The following ANKIB1 variants were observed in gnomAD, a reference collection of about 807,000 sequenced individuals.
ANKIB1 encodes ankyrin repeat and IBR domain containing 1.
Under a neutral mutation model 122.1 loss-of-function variants are expected in ANKIB1, and 43 were observed. The ratio of observed to expected loss-of-function variants is 0.35; its 90% CI spans 0.28 to 0.45. ANKIB1 has a LOEUF of 0.45. ANKIB1 is among the 20% of genes least tolerant of loss of function. The pLI, the probability that ANKIB1 is intolerant of heterozygous loss-of-function variation, is 1.00. For synonymous variants in ANKIB1, 390 were observed against 442.0 expected, an observed-to-expected ratio of 0.88 and a Z score of 1.48; for missense variants, 992 against 1,329.5, an observed-to-expected ratio of 0.75 and a Z score of 3.95.
At chr7:92,337,871 A>G (rs1318735066) in intron 5 of ANKIB1, among the ~76,000 whole-genome samples, 4 of 152,230 alleles carry the variant, frequency 2.6e-5, no homozygotes, top group African/African-American at 9.6e-5. Context: ...GAAAGCCTTG[A>G]TAAAGGCAAG....
intron 3 of ANKIB1, among the ~76,000 whole-genome samples, chr7:92,309,867 G>A (rs1243631864): frequency 1.4e-5 from 2 of 146,536 alleles, no homozygotes; most frequent in Non-Finnish European, 3.0e-5. Context: ...AGAGGTTGCA[G>A]TGAGTCAAGA....
intron 5 of ANKIB1, among the ~76,000 whole-genome samples, chr7:92,340,523 A>G (rs1242851380): frequency 1.3e-5 from 2 of 152,246 alleles, no homozygotes; most frequent in East Asian, 3.8e-4. Flanking sequence ...ATACCAAGAA[A>G]AAAAAAGGAT....
At chr7:92,377,419 T>G (rs529193273) in intron 11 of ANKIB1, among the ~76,000 whole-genome samples, 2 of 152,230 alleles carry the variant, frequency 1.3e-5, no homozygotes, top group Admixed American at 1.3e-4. Flanking sequence ...TGATCGTAGA[T>G]CACAACAGAT....
intron 3 of ANKIB1, among the ~76,000 whole-genome samples, chr7:92,316,218 A>G (rs1562779988): frequency 6.6e-6 from 1 of 152,212 alleles, no homozygotes; most frequent in Non-Finnish European, 1.5e-5. Flanking sequence ...CTGGGAAAGC[A>G]GATACTTAGT....
At chr7:92,349,252 G>A (rs540223811) in intron 7 of ANKIB1, among the ~76,000 whole-genome samples, 1 of 152,276 alleles carries the variant, frequency 6.6e-6, no homozygotes, top group Admixed American at 6.5e-5. Flanking sequence ...ACAGAAGTGA[G>A]TGGGAAGAAA....
intron 5 of ANKIB1, among the ~76,000 whole-genome samples, chr7:92,341,507 CTG>C (rs1019283313): frequency 3.4e-5 from 5 of 148,696 alleles, no homozygotes; most frequent in African/African-American, 9.9e-5. Context: ...AAAAAAAAAA[CTG>C]TAAACAAAGT....
At chr7:92,353,759 A>C (rs919186863) in intron 9 of ANKIB1, among the ~76,000 whole-genome samples, 1 of 152,228 alleles carries the variant, frequency 6.6e-6, no homozygotes, top group Non-Finnish European at 1.5e-5. Context: ...ATTTTGCTGG[A>C]ACACAGCCAC....
At chr7:92,362,362 G>C (rs1803970861) in intron 10 of ANKIB1, 89 bp downstream of exon 10, 3 of 1,244,204 alleles carry the variant, frequency 2.4e-6, no homozygotes, top group Non-Finnish European at 3.4e-6. Flanking sequence ...CTTTATTTAA[G>C]AGGTTTTCAG....
intron 11 of ANKIB1, among the ~76,000 whole-genome samples, chr7:92,378,502 CA>C (rs1804438763): frequency 7.0e-6 from 1 of 142,652 alleles, no homozygotes; most frequent in Non-Finnish European, 1.5e-5. Context: ...AAAAAATCAA[CA>C]ATCATTCTTT....
At position 92,397,823 on chromosome 7, in the gene ANKIB1, C is replaced by A; in HGVS notation, c.2496C>A (p.Thr832=). Residue 832 remains threonine, a synonymous_variant, in exon 19 of 20, where the codon ACC becomes ACA. Transcript: ENST00000265742. ...VLHSSSLRDY[T]PASRSENQDS... The stretch of plus-strand genomic sequence containing the variant: ...ACAGCTCTTCCCTGCGTGACTACAC[C>A]CCTGCCAGTCGCTCTGAAAACCAGG... The A allele has an allele frequency of 6.2e-7, 1 of 1,607,382 alleles. No individual in the cohort carries two copies. The highest frequency in any genetic ancestry group is 8.5e-7 in the Non-Finnish European group (1 of 1,178,000).
intron 2 of ANKIB1, among the ~76,000 whole-genome samples, chr7:92,299,505 T>C (rs1458674526): frequency 6.6e-6 from 1 of 152,232 alleles, no homozygotes; most frequent in Non-Finnish European, 1.5e-5. Context: ...GAATATTCAC[T>C]ATTATCTGAG....
chr7:92,282,853 A>G (rs1802036510), intron 1 of ANKIB1, among the ~76,000 whole-genome samples: 1 of 152,190 alleles, frequency 6.6e-6, no homozygotes, highest in South Asian at 2.1e-4. Context: ...ATTATAGGTA[A>G]TTGTGTTTTC....
chr7:92,384,286 A>G (rs1031950779), intron 11 of ANKIB1, among the ~76,000 whole-genome samples: 10 of 152,242 alleles, frequency 6.6e-5, no homozygotes, highest in Admixed American at 3.3e-4. Context: ...GGAAGAATCA[A>G]TATTGTAAAA....
chr7:92,246,431 C>T lies in ANKIB1; in HGVS notation c.-179C>T, dbSNP rs1405658191. On this transcript the variant is annotated 5_prime_UTR_variant, in exon 1 of 20. Transcript: ENST00000265742. ...GGGGCGGGCTGGGTACCTGAGGTCA[C>T]CAGCTCGGCTGTAGAGGCAGGGGCG... 3 of 516,806 alleles carry T rather than the reference C, an allele frequency of 5.8e-6. No homozygotes were observed. Among genetic ancestry groups the T allele is most frequent in the African/African-American group, 5.8e-5 (3 of 51,904 alleles). 32.0% of individuals were successfully genotyped at this position (516,806 alleles called of 1,614,324 possible). A position where few individuals can be genotyped will look rare whatever the true frequency, so the allele number is the denominator to read the frequency against.
At chr7:92,386,403 C>T (rs1206043703) in intron 11 of ANKIB1, 106 bp from the exon 12 acceptor site, 3 of 1,242,606 alleles carry the variant, frequency 2.4e-6, no homozygotes, top group Admixed American at 6.6e-5. Flanking sequence ...TATTACTGGT[C>T]ACACAAGCAC....
chr7:92,329,004 G>A (rs1298650146), intron 5 of ANKIB1, among the ~76,000 whole-genome samples: 2 of 143,384 alleles, frequency 1.4e-5, no homozygotes, highest in African/African-American at 5.2e-5. Context: ...GTCTTGCTCT[G>A]TTGCCCAGGC....
At chr7:92,259,371 C>G (rs1040727917) in intron 1 of ANKIB1, among the ~76,000 whole-genome samples, 4 of 152,134 alleles carry the variant, frequency 2.6e-5, no homozygotes, top group African/African-American at 9.7e-5. Context: ...TATCAATACT[C>G]TTTACTTCTT....
rs1800993817 is a variant in ANKIB1 at position 92,246,297 on chromosome 7, GC to G, written c.-312del. On this transcript the variant is annotated 5_prime_UTR_variant, in exon 1 of 20. Coordinates refer to ENST00000265742, the MANE Select transcript of ANKIB1 (RefSeq NM_019004.2). ...CTGAGCCTCGCCGCGGGCGCCTTCG[GC>G]TCACGCAGCGCTTCCCGCGGGCCGC... is the stretch of plus-strand genomic sequence containing the variant. 2.5e-6 allele frequency: 1 copy of G among 408,054 alleles called. No homozygotes were observed. Among genetic ancestry groups the G allele is most frequent in the South Asian group, 1.7e-5 (1 of 58,336 alleles). The allele number at this position is 408,054 out of a possible 1,614,324, so 25.3% of individuals were successfully genotyped here. A position where few individuals can be genotyped will look rare whatever the true frequency, so the allele number is the denominator to read the frequency against.
chr7:92,271,231 C>A (rs1471847386), intron 1 of ANKIB1, among the ~76,000 whole-genome samples: 3 of 152,032 alleles, frequency 2.0e-5, no homozygotes, highest in African/African-American at 7.2e-5. Context: ...ACCCTTTCTC[C>A]ATTGAGTTGC....
Sources: gnomAD v4.1 joint callset for allele counts (sites outside exome capture counted in the v4.1 genomes callset) on GRCh38, gnomAD v4.1.1 for gene constraint, MANE v1.5 for transcripts, NCBI Gene and HGNC (gene_info 2026-07-23, HGNC 2026-07-21) for gene names.